Variants in LRP6 observed in about 807,000 individuals in gnomAD.
LRP6 encodes the protein LDL receptor related protein 6.
In LRP6, 43 loss-of-function variants were observed where a neutral mutation model predicts 184.1. The observed-to-expected ratio is 0.23, with a 90% CI of 0.18 to 0.30. The LOEUF is 0.30. Ranked by LOEUF, LRP6 falls within the 10% of genes least tolerant of loss-of-function variation. The probability of loss-of-function intolerance (pLI) is 1.00; values close to 1 mark genes in which losing one functional copy is unlikely to be tolerated. For synonymous variants in LRP6, 719 were observed against 684.9 expected (o/e 1.05, Z -0.78); for missense variants, 1,571 against 2,005.3 (o/e 0.78, Z 4.14).
Position 12,266,893 on chromosome 12 carries a change from GCGC to G in LRP6, c.-161_-159del, listed in dbSNP as rs1256855918. On this transcript the variant is annotated 5_prime_UTR_variant, in exon 1 of 23. Transcript: ENST00000261349. ...AAAGGGGCACGTCAAGGTTCCGCGC[GCGC>G]CGCCGCCGCCCTCTCTACCGCGCCG... is the stretch of plus-strand genomic sequence containing the variant. The G allele has an allele frequency of 2.0e-4, 143 of 698,428 alleles. No individual in the cohort carries two copies. In the East Asian group the frequency reaches 3.7e-3, roughly 18 times the overall value. 43.3% of individuals were successfully genotyped at this position (698,428 alleles called of 1,614,324 possible). A position where few individuals can be genotyped will look rare whatever the true frequency, so the allele number is the denominator to read the frequency against.
chr12:12,255,994 A>G (rs577743073), intron 1 of LRP6, among the ~76,000 whole-genome samples: 13 of 152,294 alleles, frequency 8.5e-5, no homozygotes, highest in South Asian at 6.2e-4. Flanking sequence ...AAACCACAAG[A>G]AGGCCCAGGT....
intron 16 of LRP6, 109 bp from the exon 17 acceptor site, chr12:12,135,409 A>G (rs1949823147): frequency 2.9e-6 from 2 of 695,114 alleles, no homozygotes; most frequent in Non-Finnish European, 5.1e-6. Flanking sequence ...ATGAAAATCA[A>G]ATGTATAATC....
chr12:12,145,249 TAC>T (rs148471807), intron 15 of LRP6, among the ~76,000 whole-genome samples: 1,581 of 152,068 alleles, frequency 0.01, 28 homozygotes, highest in African/African-American at 0.036. Context: ...CGTGTAACTA[TAC>T]ATGCGTAAGT....
intron 2 of LRP6, 118 bp from the exon 3 acceptor site, chr12:12,203,518 G>GAGTGCTGGGATTA: frequency 1.2e-6 from 1 of 812,574 alleles, no homozygotes. Flanking sequence ...TGTAATCCCA[G>GAGTGCTGGGATTA]CACTCTGGGA....
intron 1 of LRP6, 22 bp downstream of exon 1, chr12:12,266,659 C>T (rs753809756): frequency 6.2e-7 from 1 of 1,604,222 alleles, no homozygotes; most frequent in Non-Finnish European, 8.5e-7. Flanking sequence ...CACCAACTTT[C>T]CAGTGCCCCC....
intron 2 of LRP6, among the ~76,000 whole-genome samples, chr12:12,217,150 T>G (rs575854874): frequency 6.6e-6 from 1 of 152,288 alleles, no homozygotes; most frequent in East Asian, 1.9e-4. Context: ...TGAGCAAAGC[T>G]TCATCTGTAT....
At chr12:12,241,240 A>T (rs950795003) in intron 2 of LRP6, among the ~76,000 whole-genome samples, 3 of 152,200 alleles carry the variant, frequency 2.0e-5, no homozygotes, top group Non-Finnish European at 4.4e-5. Context: ...TGAAAAGTCT[A>T]CATTTTTCCT....
chr12:12,237,313 A>G lies in LRP6; in HGVS notation c.449+6949T>C, dbSNP rs371862351. On this transcript the variant is annotated intron_variant, in intron 2 of 22. Coordinates refer to ENST00000261349, the MANE Select transcript of LRP6 (RefSeq NM_002336.3). ...AAATAACTGAATAAATAAATGAGAG[A>G]GACAGGACAGCTCTACGTTAAGGTA... Among the ~76,000 whole-genome samples, 5 of 152,334 alleles carry G rather than the reference A, an allele frequency of 3.3e-5. No homozygotes were observed. In the East Asian group the frequency reaches 9.6e-4, roughly 29 times the overall value.
intron 2 of LRP6, among the ~76,000 whole-genome samples, chr12:12,222,575 A>C (rs903833864): frequency 6.7e-6 from 1 of 148,574 alleles, no homozygotes; most frequent in Non-Finnish European, 1.5e-5. Flanking sequence ...TCAAAAAAAA[A>C]AAAGAAAGAA....
At chr12:12,162,491 G>C (rs537326794) in intron 9 of LRP6, 72 bp from the exon 10 acceptor site, 1 of 1,361,514 alleles carries the variant, frequency 7.3e-7, no homozygotes, top group Admixed American at 1.7e-5. Flanking sequence ...GGTTTGGTTT[G>C]GTTTTTGTCA....
intron 2 of LRP6, among the ~76,000 whole-genome samples, chr12:12,207,301 A>G (rs901682309): frequency 6.6e-6 from 1 of 152,158 alleles, no homozygotes; most frequent in Non-Finnish European, 1.5e-5. Context: ...GGGAGATCCC[A>G]AGGTCAAGAG....
chr12:12,185,458 T>C (rs998105626), intron 4 of LRP6, among the ~76,000 whole-genome samples: 10 of 152,184 alleles, frequency 6.6e-5, no homozygotes, highest in African/African-American at 2.4e-4. Flanking sequence ...CAATATTTGA[T>C]TATCTCCCCC....
chr12:12,155,737 C>A, intron 12 of LRP6: 2 of 1,029,194 alleles, frequency 1.9e-6, no homozygotes, highest in South Asian at 1.3e-5. Flanking sequence ...GGAGCCTGAG[C>A]TGCTGGAACC....
intron 13 of LRP6, among the ~76,000 whole-genome samples, 177 bp from the exon 14 acceptor site, chr12:12,149,330 C>T (rs966925315): frequency 6.6e-6 from 1 of 152,064 alleles, no homozygotes; most frequent in Non-Finnish European, 1.5e-5. Context: ...TGTTAATACA[C>T]ATCTCAAATG....
At chr12:12,215,459 CTT>C (rs1326836778) in intron 2 of LRP6, among the ~76,000 whole-genome samples, 1 of 151,860 alleles carries the variant, frequency 6.6e-6, no homozygotes, top group East Asian at 2.0e-4. Context: ...GAGTTTCACT[CTT>C]GTTGCCCAAA....
At position 12,181,314 on chromosome 12, in the gene LRP6, C is replaced by T. The variant is rs758242097; in HGVS notation, c.1102G>A (p.Asp368Asn). Residue 368 changes from aspartate (D) to asparagine (N), a missense_variant, in exon 6 of 23, where the codon GAT becomes AAT. By Grantham distance (23) the Asp-to-Asn change is conservative (BLOSUM62 1). This residue lies in a region of LRP6 where 640 missense variants were observed against 851.9 expected (regional missense o/e 0.75). Transcript: ENST00000261349. ...CAGTAGATGTAGCCTTCCACAGGAT[C>T]GTAATCTATGGCAATGGCATGACGG... ...DIRHAIAIDY[D>N]PVEGYIYWTD... 2.5e-6 allele frequency: 4 copies of T among 1,613,956 alleles called. No homozygotes were observed. The highest frequency in any genetic ancestry group is 1.3e-5 in the African/African-American group (1 of 74,896).
chr12:12,180,043 T>A, intron 6 of LRP6, 62 bp from the exon 7 acceptor site: 2 of 1,390,748 alleles, frequency 1.4e-6, no homozygotes, highest in Non-Finnish European at 1.0e-6. Context: ...TCAGATATTC[T>A]AAAGGTGAGA....
intron 1 of LRP6, among the ~76,000 whole-genome samples, chr12:12,246,880 T>C (rs559760157): frequency 2.2e-4 from 34 of 152,296 alleles, no homozygotes; most frequent in Admixed American, 1.6e-3. Context: ...TGTCAAATAG[T>C]TATAAATGTA....
chr12:12,150,821 C>G lies in LRP6; in HGVS notation c.2994+15G>C, dbSNP rs1565565736. 1 of 1,612,668 alleles carries G rather than the reference C, an allele frequency of 6.2e-7. No individual in the cohort carries two copies. Among genetic ancestry groups the G allele is most frequent in the Non-Finnish European group, 8.5e-7 (1 of 1,179,872 alleles). ...TAGTCAGGAGAAATGAATTTTGAAC[C>G]AAGCTCTCAATTACCTGGCTGCCAT... On this transcript the variant is annotated intron_variant, in intron 13 of 22. Transcript: ENST00000261349.
Sources: gnomAD v4.1 joint callset for allele counts (sites outside exome capture counted in the v4.1 genomes callset) on GRCh38, gnomAD v4.1.1 for gene constraint, gnomAD v4.1.1 regional missense constraint, MANE v1.5 for transcripts, NCBI Gene and HGNC (gene_info 2026-07-23, HGNC 2026-07-21) for gene names.